EDAR: variants seen among roughly 807,000 people sequenced by gnomAD.
EDAR encodes the protein tumor necrosis factor receptor superfamily member EDAR.
Under a neutral mutation model 51.3 loss-of-function variants are expected in EDAR, and 38 were observed. The observed-to-expected ratio is 0.74, with a 90% confidence interval of 0.57 to 0.97. The LOEUF (loss-of-function observed/expected upper bound fraction) is 0.97, where lower values mean the gene tolerates loss of function less well. Among genes scored for constraint, EDAR ranks in the 50% least tolerant of loss-of-function variants. The probability of loss-of-function intolerance (pLI) is 0.00; values close to 1 mark genes in which losing one functional copy is unlikely to be tolerated. For missense variants in EDAR, 528 were observed against 595.0 expected, an observed-to-expected ratio of 0.89 and a Z score of 1.17; for synonymous variants, 227 against 242.1, an observed-to-expected ratio of 0.94 and a Z score of 0.58.
At position 108,926,707 on chromosome 2, in the gene EDAR, T is replaced by C. The variant is rs2105439320; in HGVS notation, c.356+2491A>G. ...CCAACAGGAAAGCCTCGGGTGCTGC[T>C]CATTGTTCAGCAAGTGTCCTGGCCA... On this transcript the variant is annotated intron_variant, in intron 4 of 11. Coordinates refer to ENST00000258443, the MANE Select transcript of EDAR (RefSeq NM_022336.4). Among the ~76,000 whole-genome samples, 3 of 152,280 alleles carry C rather than the reference T, an allele frequency of 2.0e-5. No homozygotes were observed. In the South Asian group the frequency reaches 6.2e-4, roughly 32 times the overall value.
Position 108,908,095 on chromosome 2 carries a change from T to C in EDAR, c.804-76A>G, listed in dbSNP as rs1696847208. On this transcript the variant is annotated intron_variant, in intron 9 of 11. Transcript: ENST00000258443. ...CCTGACAAGTTCTCCTGTGGTGAACTTGTCCATTGCCCAGCTGTGGACAGT... is the reference window on the plus strand; with the variant it reads ...CCTGACAAGTTCTCCTGTGGTGAACCTGTCCATTGCCCAGCTGTGGACAGT... 4 of 1,482,178 alleles carry C rather than the reference T, an allele frequency of 2.7e-6. No individual in the cohort carries two copies. The Admixed American group carries it at 6.5e-5, about 24-fold the overall frequency. 91.8% of individuals were successfully genotyped at this position (1,482,178 alleles called of 1,614,324 possible).
chr2:108,896,150 A>G lies in EDAR; in HGVS notation c.*757T>C, dbSNP rs3749097. The G allele has an allele frequency of 0.089, 13,530 of 152,250 alleles. 828 individuals carry two copies. The highest frequency in any genetic ancestry group is 0.16 in the African/African-American group (6,697 of 41,526). The allele number at this position is 152,250 out of a possible 1,614,324, so 9.4% of individuals were successfully genotyped here. On this transcript the variant is annotated 3_prime_UTR_variant, in exon 12 of 12. Transcript: ENST00000258443. The stretch of plus-strand genomic sequence containing the variant: ...TGAAATTGGCTACTGCACACATCCA[A>G]TTGCTTGGACAAACACATGCCTTGC...
chr2:108,962,401 C>T (rs1359455398), intron 1 of EDAR, among the ~76,000 whole-genome samples: 4 of 152,074 alleles, frequency 2.6e-5, no homozygotes, highest in African/African-American at 9.7e-5. Flanking sequence ...CGGCCAGACG[C>T]GGTGGCTCAC....
intron 1 of EDAR, among the ~76,000 whole-genome samples, chr2:108,934,941 A>C (rs1399793652): frequency 1.3e-5 from 2 of 152,228 alleles, no homozygotes; most frequent in African/African-American, 4.8e-5. Context: ...GGAACTAACC[A>C]GTTAATTGGC....
chr2:108,907,955 G>T lies in EDAR; in HGVS notation c.868C>A (p.Pro290Thr). ...GGGGAGCCCTGCTTGTCAGGGGCGG[G>T]CTCCTCATCACTGTCGACGCTCCGG... Reference protein sequence around the residue: ...LSRSVDSDEEPAPDKQGSPEL... With the variant: ...LSRSVDSDEETAPDKQGSPEL... Residue 290 changes from proline (P) to threonine (T), a missense_variant, in exon 10 of 12, where the codon CCC (proline) becomes ACC (threonine). Physicochemically the swap from Pro to Thr is conservative, Grantham distance 38 (BLOSUM62 -1). Coordinates refer to ENST00000258443, the MANE Select transcript of EDAR (RefSeq NM_022336.4). 6.2e-7 allele frequency: 1 copy of T among 1,613,612 alleles called. No individual in the cohort carries two copies. Among genetic ancestry groups the T allele is most frequent in the Non-Finnish European group, 8.5e-7 (1 of 1,180,002 alleles).
chr2:108,959,496 G>T (rs536029147), intron 1 of EDAR, among the ~76,000 whole-genome samples: 2 of 152,202 alleles, frequency 1.3e-5, no homozygotes, highest in Non-Finnish European at 2.9e-5. Context: ...TCAATGCTTT[G>T]TTTCTCTGTG....
intron 9 of EDAR, 143 bp from the exon 10 acceptor site, chr2:108,908,162 T>C: frequency 6.7e-6 from 6 of 891,310 alleles, no homozygotes; most frequent in Non-Finnish European, 1.0e-5. Flanking sequence ...CTGGGCACCT[T>C]GTGGGCACGG....
intron 1 of EDAR, among the ~76,000 whole-genome samples, chr2:108,956,469 GTC>G (rs1173826697): frequency 6.6e-6 from 1 of 152,194 alleles, no homozygotes; most frequent in Non-Finnish European, 1.5e-5. Context: ...TGCACCAAGA[GTC>G]TCTCACGTCA....
chr2:108,921,485 A>C (rs530751000), intron 5 of EDAR, among the ~76,000 whole-genome samples: 2 of 152,302 alleles, frequency 1.3e-5, no homozygotes, highest in East Asian at 3.9e-4. Context: ...TCTTGACCAC[A>C]ACTGTGGGTT....
intron 1 of EDAR, among the ~76,000 whole-genome samples, chr2:108,957,048 C>T (rs1270815659): frequency 6.6e-6 from 1 of 152,208 alleles, no homozygotes; most frequent in Admixed American, 6.5e-5. Context: ...CCTCGGCCTC[C>T]CAAAGTGCTG....
chr2:108,907,819 C>A (rs1465108448), intron 10 of EDAR, 41 bp downstream of exon 10: 13 of 1,609,670 alleles, frequency 8.1e-6, no homozygotes, highest in African/African-American at 1.3e-5. Flanking sequence ...TGTGAGGGAG[C>A]CACATCTCAC....
In EDAR at chr2:108,907,789, G is replaced by C. The variant is rs376772910; in HGVS notation, c.963+71C>G. 719 of 1,580,040 alleles carry C rather than the reference G, an allele frequency of 4.6e-4. 5 individuals are homozygous for C. In the Middle Eastern group the frequency reaches 9.2e-3, roughly 20 times the overall value. On this transcript the variant is annotated intron_variant, in intron 10 of 11. Transcript: ENST00000258443. ...TCTTGCAGGAGAGCTGATTCAATAA[G>C]AAAGTTTTAGTCTTGCGGCTGTGAG...
intron 1 of EDAR, among the ~76,000 whole-genome samples, chr2:108,964,017 T>C (rs990842757): frequency 1.3e-5 from 2 of 152,222 alleles, no homozygotes; most frequent in Non-Finnish European, 2.9e-5. Flanking sequence ...GACTATGGCC[T>C]CTGTGGCTGC....
At chr2:108,970,587 G>A (rs1224218079) in intron 1 of EDAR, among the ~76,000 whole-genome samples, 3 of 152,044 alleles carry the variant, frequency 2.0e-5, no homozygotes, top group African/African-American at 7.2e-5. Context: ...GCCACACAGA[G>A]AATAACCAGG....
chr2:108,907,220 C>G (rs981126708), intron 10 of EDAR, among the ~76,000 whole-genome samples: 2 of 152,166 alleles, frequency 1.3e-5, no homozygotes, highest in Non-Finnish European at 2.9e-5. Flanking sequence ...GTGTGTGTGT[C>G]TAGAAAATTG....
intron 11 of EDAR, 118 bp from the exon 12 acceptor site, chr2:108,897,347 A>C: frequency 2.0e-6 from 2 of 997,250 alleles, no homozygotes; most frequent in Non-Finnish European, 1.5e-6. Flanking sequence ...TAAAATTATA[A>C]AACATGCAGA....
In EDAR at chr2:108,923,197, A is replaced by G. The variant is rs260643; in HGVS notation, c.442+171T>C. Among the ~76,000 whole-genome samples the G allele has an allele frequency of 0.84, 127,255 of 152,102 alleles. 55,417 individuals are homozygous for G. The highest frequency in any genetic ancestry group is 0.91 in the Middle Eastern group (269 of 294). On this transcript the variant is annotated intron_variant, in intron 5 of 11. Coordinates refer to ENST00000258443, the MANE Select transcript of EDAR (RefSeq NM_022336.4). ...GACTCAAGGCTCAGATGTGGCAAACATCCCTCCCTTCATAGACCTGCCTGG... is the reference window on the plus strand; with the variant it reads ...GACTCAAGGCTCAGATGTGGCAAACGTCCCTCCCTTCATAGACCTGCCTGG...
chr2:108,978,206 A>G (rs1698360941), intron 1 of EDAR, among the ~76,000 whole-genome samples: 1 of 152,224 alleles, frequency 6.6e-6, no homozygotes, highest in Non-Finnish European at 1.5e-5. Context: ...AGACGTGCAT[A>G]TCTTTTAGGA....
intron 4 of EDAR, 27 bp downstream of exon 4, chr2:108,929,171 G>A: frequency 5.0e-6 from 8 of 1,613,376 alleles, no homozygotes; most frequent in Non-Finnish European, 6.8e-6. Context: ...AAGCATGCCA[G>A]GGTTTGCCAG....
Sources: gnomAD v4.1 joint callset for allele counts (sites outside exome capture counted in the v4.1 genomes callset) on GRCh38, gnomAD v4.1.1 for gene constraint, MANE v1.5 for transcripts, NCBI Gene and HGNC (gene_info 2026-07-23, HGNC 2026-07-21) for gene names.